The following SLAMF7 variants were observed in gnomAD, a reference collection of about 807,000 sequenced individuals.
SLAMF7 encodes the protein 19A24 protein.
SLAMF7 carries 26 observed loss-of-function variants against 34.1 expected under a neutral mutation model. The observed-to-expected ratio is 0.76, with a 90% CI of 0.56 to 1.06. The LOEUF is 1.06. SLAMF7 is among the 50% of genes least tolerant of loss of function. The probability of loss-of-function intolerance (pLI) is 0.00; values close to 1 mark genes in which losing one functional copy is unlikely to be tolerated. For synonymous variants in SLAMF7, 171 were observed against 156.4 expected, an observed-to-expected ratio of 1.09 and a Z score of -0.70; for missense variants, 399 against 402.5, an observed-to-expected ratio of 0.99 and a Z score of 0.07.
intron 1 of SLAMF7, among the ~76,000 whole-genome samples, chr1:160,741,097 C>T (rs763289577): frequency 3.9e-5 from 6 of 152,116 alleles, no homozygotes; most frequent in African/African-American, 9.7e-5. Flanking sequence ...CCGAGAAGAA[C>T]GGGTAGCTCT....
chr1:160,745,575 A>AT (rs200394578), intron 1 of SLAMF7, among the ~76,000 whole-genome samples: 2,142 of 152,212 alleles, frequency 0.014, 60 homozygotes, highest in African/African-American at 0.049. Context: ...GAGTTAGCAA[A>AT]TTTTTTCTGA....
At chr1:160,744,277 C>G (rs925641360) in intron 1 of SLAMF7, among the ~76,000 whole-genome samples, 2 of 152,194 alleles carry the variant, frequency 1.3e-5, no homozygotes, top group African/African-American at 4.8e-5. Flanking sequence ...GTTTCTGGAT[C>G]CCTTTTCGTA....
Position 160,753,266 on chromosome 1 carries a change from A to G in SLAMF7, c.*89A>G, listed in dbSNP as rs1664785563. 6 of 1,089,994 alleles carry G rather than the reference A, an allele frequency of 5.5e-6. No individual in the cohort carries two copies. In the East Asian group the frequency reaches 1.4e-4, roughly 26 times the overall value. The allele number at this position is 1,089,994 out of a possible 1,614,324, so 67.5% of individuals were successfully genotyped here. Reference sequence around the variant, plus strand: ...ATCAGAAGAATTCACTGATTTGACTAGAAACATCAAGGAAGAATGAAGAAC... The same window carrying G: ...ATCAGAAGAATTCACTGATTTGACTGGAAACATCAAGGAAGAATGAAGAAC... On this transcript the variant is annotated 3_prime_UTR_variant, in exon 7 of 7. Coordinates refer to ENST00000368043, the MANE Select transcript of SLAMF7 (RefSeq NM_021181.5).
In SLAMF7 at chr1:160,748,336, AG is replaced by A. The variant is rs1664293372; in HGVS notation, c.203del (p.Gly68AlafsTer4). The A allele has an allele frequency of 6.2e-7, 1 of 1,613,972 alleles. No homozygotes were observed. Among genetic ancestry groups the A allele is most frequent in the Admixed American group, 1.7e-5 (1 of 59,998 alleles). ...TTPLVTIQPE[G>X]GTIIVTQNRN... ...CCCCTCTTGTCACCATACAGCCAGA[AG>A]GGGGCACTATCATAGTGACCCAAAA... On this transcript the variant is annotated frameshift_variant, in exon 2 of 7. Coordinates refer to ENST00000368043, the MANE Select transcript of SLAMF7 (RefSeq NM_021181.5). LOFTEE classifies it high-confidence loss of function.
In SLAMF7 at chr1:160,753,458, T is replaced by G; in HGVS notation, c.*281T>G. On this transcript the variant is annotated 3_prime_UTR_variant, in exon 7 of 7. Coordinates refer to ENST00000368043, the MANE Select transcript of SLAMF7 (RefSeq NM_021181.5). ...ACCATAAAAAAAGTGCTTAGAAGTA[T>G]TCCTATAAAAATGTAAATGCAAGGT... 1 of 453,168 alleles carries G rather than the reference T, an allele frequency of 2.2e-6. No individual in the cohort carries two copies. Among genetic ancestry groups the G allele is most frequent in the South Asian group, 3.0e-5 (1 of 33,720 alleles). 28.1% of individuals were successfully genotyped at this position (453,168 alleles called of 1,614,324 possible).
At chr1:160,740,452 AG>A (rs796350270) in intron 1 of SLAMF7, among the ~76,000 whole-genome samples, 62 of 152,298 alleles carry the variant, frequency 4.1e-4, no homozygotes, top group African/African-American at 1.4e-3. Flanking sequence ...ACTGCCATGC[AG>A]GTCCCCCTCT....
intron 2 of SLAMF7, among the ~76,000 whole-genome samples, 169 bp downstream of exon 2, chr1:160,748,683 T>G (rs1664322527): frequency 6.6e-6 from 1 of 152,204 alleles, no homozygotes; most frequent in South Asian, 2.1e-4. Context: ...CCCTGCCTAC[T>G]CAGAGATGTT....
intron 4 of SLAMF7, 127 bp from the exon 5 acceptor site, chr1:160,751,218 C>A: frequency 1.4e-6 from 1 of 709,016 alleles, no homozygotes; most frequent in Non-Finnish European, 2.5e-6. Context: ...ATCCTGAAAA[C>A]CCTTCCATTA....
chr1:160,739,243 C>T (rs1442382244), upstream of SLAMF7: 1 of 1,484,734 alleles, frequency 6.7e-7, no homozygotes, highest in Non-Finnish European at 9.4e-7. Context: ...GGGAAGAGGT[C>T]TGAGTAATAC....
chr1:160,751,395 A>G lies in SLAMF7; in HGVS notation c.820A>G (p.Ile274Val), dbSNP rs544308631. The G allele has an allele frequency of 6.8e-6, 11 of 1,613,816 alleles. No individual in the cohort carries two copies. Among genetic ancestry groups the G allele is most frequent in the Non-Finnish European group, 9.3e-6 (11 of 1,179,918 alleles). ...GGACATTTGTCGGGAAACTCCTAACATATGCCCCCATTCTGGAGAGAACAC... is the reference window on the plus strand; with the variant it reads ...GGACATTTGTCGGGAAACTCCTAACGTATGCCCCCATTCTGGAGAGAACAC... Reference protein sequence around the residue: ...RVDICRETPNICPHSGENTEY... With the variant: ...RVDICRETPNVCPHSGENTEY... The change falls in exon 5 of 7, where the codon ATA (isoleucine) becomes GTA (valine). Residue 274 changes from isoleucine (I) to valine (V), a missense_variant. Ile to Val is a conservative substitution (Grantham distance 29, BLOSUM62 3). Coordinates refer to ENST00000368043, the MANE Select transcript of SLAMF7 (RefSeq NM_021181.5).
intron 1 of SLAMF7, among the ~76,000 whole-genome samples, chr1:160,746,890 C>T (rs1664175297): frequency 6.6e-6 from 1 of 152,010 alleles, no homozygotes. Flanking sequence ...TCATAAATCT[C>T]GTGTCTCATT....
intron 6 of SLAMF7, among the ~76,000 whole-genome samples, chr1:160,752,617 C>G (rs78937709): frequency 0.11 from 17,240 of 152,156 alleles, 1,272 homozygotes; most frequent in East Asian, 0.15. Flanking sequence ...CCTGAGACAC[C>G]AGGAAACTGC....
intron 1 of SLAMF7, among the ~76,000 whole-genome samples, chr1:160,745,935 C>A (rs1311577358): frequency 6.6e-6 from 1 of 152,076 alleles, no homozygotes; most frequent in Non-Finnish European, 1.5e-5. Context: ...TTAACAGGGA[C>A]CAAAGAAATA....
chr1:160,746,201 GCAATAA>G (rs1175313448), intron 1 of SLAMF7, among the ~76,000 whole-genome samples: 4 of 152,136 alleles, frequency 2.6e-5, no homozygotes, highest in Non-Finnish European at 5.9e-5. Context: ...AATGAATATA[GCAATAA>G]CAATAACAAT....
intron 1 of SLAMF7, among the ~76,000 whole-genome samples, chr1:160,742,014 A>T (rs35967351): frequency 0.26 from 39,172 of 151,804 alleles, 5,284 homozygotes; most frequent in Non-Finnish European, 0.31. Flanking sequence ...GTGCTTGGGG[A>T]CGGGGTTGGC....
chr1:160,741,240 A>G (rs1416479421), intron 1 of SLAMF7, among the ~76,000 whole-genome samples: 1 of 152,238 alleles, frequency 6.6e-6, no homozygotes, highest in Non-Finnish European at 1.5e-5. Context: ...TTGATGATAC[A>G]GTAGTGTCAA....
At chr1:160,752,583 G>A (rs375400245) in intron 6 of SLAMF7, among the ~76,000 whole-genome samples, 2 of 152,330 alleles carry the variant, frequency 1.3e-5, no homozygotes, top group East Asian at 3.9e-4. Context: ...GAGAGGAATA[G>A]CTGAGAGGAG....
chr1:160,751,842 CTCTCTCTCTCTCTCTCTCTCTA>C (rs1664616645), intron 5 of SLAMF7: 1 of 61,010 alleles, frequency 1.6e-5, no homozygotes, highest in African/African-American at 7.2e-5. Flanking sequence ...CTCTCTCTCT[CTCTCTCTCTCTCTCTCTCTCTA>C]TATATATATA....
intron 1 of SLAMF7, among the ~76,000 whole-genome samples, chr1:160,744,938 G>A (rs538205797): frequency 2.6e-5 from 4 of 152,224 alleles, no homozygotes; most frequent in South Asian, 2.1e-4. Context: ...GAGAGCAGTC[G>A]AAAAACCATC....
Sources: allele counts gnomAD v4.1 joint callset (sites outside exome capture counted in the v4.1 genomes callset), GRCh38; gene constraint gnomAD v4.1.1; transcripts MANE v1.5; gene names NCBI Gene and HGNC (gene_info 2026-07-23, HGNC 2026-07-21).